FNDC1: variants seen among roughly 807,000 people sequenced by gnomAD.
The protein encoded by FNDC1 is fibronectin type III domain containing 1, also known as fibronectin type III domain-containing protein 1.
In FNDC1, 96 loss-of-function variants were observed where a neutral mutation model predicts 168.0. That is an observed-to-expected ratio of 0.57 (90% CI 0.48 to 0.68). The LOEUF is 0.68. Ranked by LOEUF, FNDC1 falls within the 30% of genes least tolerant of loss-of-function variation. The pLI is 0.00. For synonymous variants in FNDC1, 1,099 were observed against 1,025.9 expected, an observed-to-expected ratio of 1.07 and a Z score of -1.36; for missense variants, 2,587 against 2,482.1, an observed-to-expected ratio of 1.04 and a Z score of -0.90.
At chr6:159,217,660 G>A (rs1189371094) in intron 5 of FNDC1, among the ~76,000 whole-genome samples, 1 of 152,132 alleles carries the variant, frequency 6.6e-6, no homozygotes, top group Non-Finnish European at 1.5e-5. Flanking sequence ...CGGGCTGGCC[G>A]CATGGCATTT....
rs890070794 is a variant in FNDC1, at chr6:159,233,577, G to C, written c.3065G>C (p.Arg1022Thr). ...TSQHHPGPQS[R>T]DAGRSPSQPR... ...CAGCACCACCCGGGACCCCAGAGCA[G>C]AGACGCGGGTCGGTCACCTTCCCAG... Residue 1022 changes from arginine to threonine, a missense_variant, in exon 11 of 23, where the codon AGA becomes ACA. By Grantham distance (71) the Arg-to-Thr change is moderately conservative (BLOSUM62 -1). Transcript: ENST00000297267. This position sits in a 1 kb window ranked among gnomAD's most constrained non-coding sequence, Gnocchi z 4.6. The C allele has an allele frequency of 1.3e-6, 2 of 1,588,090 alleles. No individual in the cohort carries two copies. The highest frequency in any genetic ancestry group is 2.7e-5 in the African/African-American group (2 of 74,556).
intron 22 of FNDC1, among the ~76,000 whole-genome samples, chr6:159,269,561 TC>T (rs1777692585): frequency 6.7e-6 from 1 of 149,918 alleles, no homozygotes; most frequent in African/African-American, 2.4e-5. Flanking sequence ...CATCCATCCA[TC>T]CATCCATCTA....
chr6:159,269,084 CTA>C, intron 22 of FNDC1, among the ~76,000 whole-genome samples: 1 of 75,384 alleles, frequency 1.3e-5, no homozygotes, highest in African/African-American at 4.2e-5. Flanking sequence ...ATCTATCTAT[CTA>C]TCTATCTATC....
chr6:159,269,205 A>ACATC (rs745900102), intron 22 of FNDC1, among the ~76,000 whole-genome samples: 13,223 of 115,502 alleles, frequency 0.11, 1,215 homozygotes, highest in Non-Finnish European at 0.15. Context: ...CTACCTATTC[A>ACATC]TATCTATCTA....
At chr6:159,266,859 A>G (rs2115033175) in intron 21 of FNDC1, among the ~76,000 whole-genome samples, 1 of 152,252 alleles carries the variant, frequency 6.6e-6, no homozygotes, top group African/African-American at 2.4e-5. Context: ...TAAAAATCAC[A>G]TTGTTTTTAT....
chr6:159,216,666 C>T (rs549698889), intron 5 of FNDC1, among the ~76,000 whole-genome samples: 3 of 152,204 alleles, frequency 2.0e-5, no homozygotes, highest in Non-Finnish European at 4.4e-5. Context: ...CGTGGGGAAA[C>T]CGGGCCACAG....
chr6:159,251,233 C>T, intron 16 of FNDC1, 69 bp from the exon 17 acceptor site: 1 of 1,181,490 alleles, frequency 8.5e-7, no homozygotes. Context: ...CTCTGTGGAA[C>T]AGATGCTATG....
At chr6:159,210,211 G>T (rs1327750892) in intron 4 of FNDC1, among the ~76,000 whole-genome samples, 1 of 152,224 alleles carries the variant, frequency 6.6e-6, no homozygotes, top group East Asian at 1.9e-4. Context: ...AAGGTGTGAT[G>T]CTTGTGCCAC....
intron 9 of FNDC1, 141 bp from the exon 10 acceptor site, chr6:159,229,674 C>A: frequency 1.5e-6 from 1 of 657,014 alleles, no homozygotes; most frequent in South Asian, 2.6e-5. Context: ...TCTTCATGCT[C>A]CAGCTGGTGA....
At chr6:159,207,504 C>T (rs1782511387) in intron 4 of FNDC1, among the ~76,000 whole-genome samples, 1 of 152,120 alleles carries the variant, frequency 6.6e-6, no homozygotes, top group South Asian at 2.1e-4. Flanking sequence ...GATATCTGGG[C>T]TTTTCTCTGG....
chr6:159,240,095 A>G (rs1783386740), intron 14 of FNDC1, 138 bp downstream of exon 14: 1 of 739,882 alleles, frequency 1.4e-6, no homozygotes, highest in Non-Finnish European at 2.0e-6. Flanking sequence ...TTTTGGTCCC[A>G]GCAGGTTTGT....
chr6:159,207,517 G>A (rs1481510128), intron 4 of FNDC1, among the ~76,000 whole-genome samples: 1 of 152,200 alleles, frequency 6.6e-6, no homozygotes, highest in Admixed American at 6.5e-5. Flanking sequence ...TTCTCTGGAT[G>A]TCTGTGAGAA....
chr6:159,199,958 A>G, intron 2 of FNDC1, 38 bp from the exon 3 acceptor site: 1 of 1,524,550 alleles, frequency 6.6e-7, no homozygotes, highest in Non-Finnish European at 9.0e-7. Flanking sequence ...ATTCTTGGAG[A>G]TCTGAATTGG....
chr6:159,271,054 C>T (rs1412590567), intron 22 of FNDC1, among the ~76,000 whole-genome samples: 1 of 152,206 alleles, frequency 6.6e-6, no homozygotes, highest in Non-Finnish European at 1.5e-5. Context: ...TCCAGCATGG[C>T]CCCTGAGTTA....
intron 5 of FNDC1, among the ~76,000 whole-genome samples, chr6:159,216,488 G>A (rs1056259764): frequency 2.6e-5 from 4 of 152,190 alleles, no homozygotes; most frequent in African/African-American, 9.7e-5. Flanking sequence ...GCGGACATAG[G>A]CTTGGCTCTC....
intron 4 of FNDC1, among the ~76,000 whole-genome samples, chr6:159,210,760 AGTTC>A (rs1782585265): frequency 6.6e-6 from 1 of 152,128 alleles, no homozygotes; most frequent in Non-Finnish European, 1.5e-5. Flanking sequence ...GGGGTCAGGG[AGTTC>A]AGATGCAGAG....
intron 7 of FNDC1, among the ~76,000 whole-genome samples, chr6:159,224,296 C>G (rs983945792): frequency 6.6e-6 from 1 of 152,172 alleles, no homozygotes. Flanking sequence ...CACTAGTGAA[C>G]ATCATTTCTA....
At chr6:159,192,160 G>A (rs1044139339) in intron 1 of FNDC1, among the ~76,000 whole-genome samples, 1 of 152,084 alleles carries the variant, frequency 6.6e-6, no homozygotes, top group African/African-American at 2.4e-5. Context: ...TAACCTACGT[G>A]AGCCACCACG....
intron 4 of FNDC1, among the ~76,000 whole-genome samples, chr6:159,203,757 A>G (rs533512387): frequency 3.3e-5 from 5 of 152,166 alleles, no homozygotes; most frequent in African/African-American, 1.2e-4. Context: ...TTTTTTGTGT[A>G]ACAGGATCTG....
Sources: allele counts gnomAD v4.1 joint callset (sites outside exome capture counted in the v4.1 genomes callset), GRCh38; gene constraint gnomAD v4.1.1; non-coding constraint Gnocchi (gnomAD v3.1); transcripts MANE v1.5; gene names NCBI Gene and HGNC (gene_info 2026-07-23, HGNC 2026-07-21).